ALK: variants seen among roughly 807,000 people sequenced by gnomAD.
The protein encoded by ALK is ALK tyrosine kinase receptor.
ALK carries 74 observed loss-of-function variants against 163.1 expected under a neutral mutation model. The observed-to-expected ratio is 0.45, with a 90% CI of 0.38 to 0.55. ALK has a LOEUF of 0.55. ALK is among the 20% of genes least tolerant of loss of function. The pLI is 0.00. For missense variants in ALK, 2,063 were observed against 2,105.3 expected, an observed-to-expected ratio of 0.98 and a Z score of 0.39; for synonymous variants, 960 against 843.2, an observed-to-expected ratio of 1.14 and a Z score of -2.40.
chr2:29,248,418 G>A (rs779218489), intron 12 of ALK, among the ~76,000 whole-genome samples: 1 of 152,150 alleles, frequency 6.6e-6, no homozygotes, highest in Admixed American at 6.5e-5. Flanking sequence ...AGCTGAGGTG[G>A]CACCACTGCA....
At chr2:29,776,571 T>C (rs1203054988) in intron 1 of ALK, among the ~76,000 whole-genome samples, 1 of 152,206 alleles carries the variant, frequency 6.6e-6, no homozygotes, top group African/African-American at 2.4e-5. Context: ...AGTTAGCTTA[T>C]TTCAAATCTG....
chr2:29,510,469 T>A (rs943666499), intron 4 of ALK, among the ~76,000 whole-genome samples: 19 of 152,198 alleles, frequency 1.2e-4, no homozygotes, highest in Admixed American at 2.6e-4. Context: ...CAGTTCATCT[T>A]TTTTGGGAAG....
chr2:29,474,165 C>G (rs1451017804), intron 4 of ALK, among the ~76,000 whole-genome samples: 2 of 152,168 alleles, frequency 1.3e-5, no homozygotes, highest in Non-Finnish European at 2.9e-5. Context: ...ATGAAATAGT[C>G]TGCAACAACA....
At chr2:29,803,612 C>T (rs1664539035) in intron 1 of ALK, among the ~76,000 whole-genome samples, 1 of 152,148 alleles carries the variant, frequency 6.6e-6, no homozygotes, top group Non-Finnish European at 1.5e-5. Context: ...ATGTTTCATC[C>T]AATCCATCAC....
intron 1 of ALK, among the ~76,000 whole-genome samples, chr2:29,909,480 CAGAGAGAG>C (rs369360033): frequency 0.021 from 2,889 of 135,948 alleles, 85 homozygotes; most frequent in African/African-American, 0.067. Flanking sequence ...GACAGACAGA[CAGAGAGAG>C]AGAGAGAGAG....
intron 3 of ALK, among the ~76,000 whole-genome samples, chr2:29,586,511 T>A (rs1674893105): frequency 6.6e-6 from 1 of 152,210 alleles, no homozygotes; most frequent in South Asian, 2.1e-4. Flanking sequence ...AAATCTAGAA[T>A]TAATCTTGGT....
intron 3 of ALK, among the ~76,000 whole-genome samples, chr2:29,547,901 A>C (rs1673598350): frequency 6.6e-6 from 1 of 152,228 alleles, no homozygotes; most frequent in Non-Finnish European, 1.5e-5. Flanking sequence ...ATTTCACATT[A>C]ATAACGAACA....
intron 3 of ALK, among the ~76,000 whole-genome samples, chr2:29,606,843 T>C (rs1026698973): frequency 1.3e-5 from 2 of 152,204 alleles, no homozygotes; most frequent in Admixed American, 6.5e-5. Context: ...TCCTGTATTG[T>C]ATGCCTTGCA....
chr2:29,209,903 C>CTAAT (rs982096801), intron 24 of ALK, 25 bp from the exon 25 acceptor site: 2 of 1,588,798 alleles, frequency 1.3e-6, no homozygotes, highest in African/African-American at 1.3e-5. Flanking sequence ...AATGCATTTC[C>CTAAT]TAATTTTATC....
chr2:29,704,076 T>A (rs1678826439), intron 2 of ALK, among the ~76,000 whole-genome samples: 2 of 152,110 alleles, frequency 1.3e-5, no homozygotes. Flanking sequence ...GCCAATGTAT[T>A]CCTGACAAGC....
intron 1 of ALK, among the ~76,000 whole-genome samples, chr2:29,773,829 C>T (rs1286735147): frequency 6.6e-6 from 1 of 152,044 alleles, no homozygotes; most frequent in Non-Finnish European, 1.5e-5. Flanking sequence ...GTGAAGGGAA[C>T]AAGGAGAAGG....
At chr2:29,573,087 C>T (rs988343270) in intron 3 of ALK, among the ~76,000 whole-genome samples, 16 of 152,242 alleles carry the variant, frequency 1.1e-4, no homozygotes, top group African/African-American at 3.6e-4. Flanking sequence ...TGCCTGGCTT[C>T]TCTTTTCCTG....
rs112798937 is a variant in ALK at position 29,801,387 on chromosome 2, C to T, written c.668-83690G>A. Reference sequence around the variant, plus strand: ...TATTAAAAAAACAAACAAACAACAACGAGAAAAAAACAGATGAGCATTCTA... The same window carrying T: ...TATTAAAAAAACAAACAAACAACAATGAGAAAAAAACAGATGAGCATTCTA... On this transcript the variant is annotated intron_variant, in intron 1 of 28. Coordinates refer to ENST00000389048, the MANE Select transcript of ALK (RefSeq NM_004304.5). 6.2e-4 allele frequency among the ~76,000 whole-genome samples: 95 copies of T among 152,276 alleles called. 1 individual carries two copies. Among genetic ancestry groups the T allele is most frequent in the African/African-American group, 8.9e-4 (37 of 41,548 alleles).
intron 11 of ALK, among the ~76,000 whole-genome samples, chr2:29,272,373 G>A (rs972068924): frequency 6.6e-6 from 1 of 152,186 alleles, no homozygotes; most frequent in Non-Finnish European, 1.5e-5. Context: ...AGAGTCTTCC[G>A]AGAATGCTGC....
intron 1 of ALK, among the ~76,000 whole-genome samples, chr2:29,734,606 T>C (rs950384091): frequency 6.6e-6 from 1 of 152,050 alleles, no homozygotes; most frequent in African/African-American, 2.4e-5. Context: ...AAGACACCTG[T>C]AAAAATAAAT....
chr2:29,750,663 G>A (rs1053100819), intron 1 of ALK, among the ~76,000 whole-genome samples: 3 of 128,928 alleles, frequency 2.3e-5, no homozygotes, highest in Non-Finnish European at 5.2e-5. Context: ...AAGGAAGGAA[G>A]GAAGGAAGGA....
chr2:29,440,368 G>A (rs1050610915), intron 4 of ALK, among the ~76,000 whole-genome samples: 2 of 145,666 alleles, frequency 1.4e-5, no homozygotes, highest in Non-Finnish European at 3.0e-5. Flanking sequence ...AGTAGCTGGA[G>A]TGCAGTGGTG....
intron 1 of ALK, among the ~76,000 whole-genome samples, chr2:29,793,954 CAA>C (rs1664246008): frequency 6.6e-6 from 1 of 152,172 alleles, no homozygotes; most frequent in Non-Finnish European, 1.5e-5. Flanking sequence ...TCACCCCTAA[CAA>C]GAGAGTCAGC....
intron 3 of ALK, among the ~76,000 whole-genome samples, chr2:29,679,089 C>T (rs1451068633): frequency 1.3e-5 from 2 of 151,768 alleles, no homozygotes; most frequent in Admixed American, 1.3e-4. Context: ...TTATCTCTTC[C>T]TGGTGAATTG....
Sources: allele counts gnomAD v4.1 joint callset (sites outside exome capture counted in the v4.1 genomes callset), GRCh38; gene constraint gnomAD v4.1.1; transcripts MANE v1.5; gene names NCBI Gene and HGNC (gene_info 2026-07-23, HGNC 2026-07-21).